Variants in INTS4 observed in about 807,000 individuals in gnomAD.
INTS4 encodes integrator complex subunit 4, also known as MSTP093.
A neutral mutation model predicts 119.5 loss-of-function variants in INTS4; 70 were observed. The observed-to-expected ratio is 0.59, with a 90% confidence interval of 0.48 to 0.71. The LOEUF (loss-of-function observed/expected upper bound fraction) is 0.71, where lower values mean the gene tolerates loss of function less well. Among genes scored for constraint, INTS4 ranks in the 30% least tolerant of loss-of-function variants. The pLI is 0.00. For missense variants in INTS4, 867 were observed against 1,173.2 expected, an observed-to-expected ratio of 0.74 and a Z score of 3.81; for synonymous variants, 316 against 419.6, an observed-to-expected ratio of 0.75 and a Z score of 3.02.
At chr11:77,950,257 C>T (rs1954157264) in intron 8 of INTS4, among the ~76,000 whole-genome samples, 1 of 152,062 alleles carries the variant, frequency 6.6e-6, no homozygotes, top group South Asian at 2.1e-4. Context: ...AGGAGAAATA[C>T]CTAATGTAGA....
chr11:77,913,149 T>C (rs1953126236), intron 15 of INTS4, among the ~76,000 whole-genome samples: 1 of 152,260 alleles, frequency 6.6e-6, no homozygotes, highest in Admixed American at 6.5e-5. Flanking sequence ...CTATTCATAC[T>C]GAGAAATAGC....
At chr11:77,895,762 G>C (rs1369707373) in intron 18 of INTS4, among the ~76,000 whole-genome samples, 1 of 151,970 alleles carries the variant, frequency 6.6e-6, no homozygotes, top group Non-Finnish European at 1.5e-5. Context: ...ATCTTGGAGA[G>C]ACTCCAGGAA....
intron 15 of INTS4, among the ~76,000 whole-genome samples, chr11:77,908,680 T>A (rs772402211): frequency 6.6e-6 from 1 of 152,134 alleles, no homozygotes. Context: ...AGGTGTATGA[T>A]CTCAACTATG....
intron 2 of INTS4, among the ~76,000 whole-genome samples, chr11:77,984,854 G>A (rs1856389399): frequency 6.8e-6 from 1 of 146,850 alleles, no homozygotes; most frequent in Non-Finnish European, 1.5e-5. Context: ...CCAGCCTGGA[G>A]TGAGACCTTG....
chr11:77,887,460 A>C (rs935256060), intron 21 of INTS4, among the ~76,000 whole-genome samples: 1 of 152,238 alleles, frequency 6.6e-6, no homozygotes, highest in South Asian at 2.1e-4. Flanking sequence ...CCCACAGCCA[A>C]TATCATACTG....
At chr11:77,904,779 C>T (rs1320414764) in intron 16 of INTS4, among the ~76,000 whole-genome samples, 1 of 152,206 alleles carries the variant, frequency 6.6e-6, no homozygotes, top group Non-Finnish European at 1.5e-5. Flanking sequence ...GAAATCCTCA[C>T]ATCCAAATTC....
intron 7 of INTS4, among the ~76,000 whole-genome samples, chr11:77,956,550 T>C (rs1336507125): frequency 1.3e-5 from 2 of 151,808 alleles, no homozygotes; most frequent in East Asian, 1.9e-4. Context: ...CTACTAAAAA[T>C]ATAAAAATTA....
At chr11:77,905,015 A>G (rs2136449965) in intron 16 of INTS4, among the ~76,000 whole-genome samples, 1 of 152,288 alleles carries the variant, frequency 6.6e-6, no homozygotes, top group East Asian at 1.9e-4. Context: ...GTAAAAGATT[A>G]TTTTGTTTTA....
intron 19 of INTS4, 75 bp from the exon 20 acceptor site, chr11:77,891,915 A>G (rs1193397700): frequency 1.3e-6 from 2 of 1,594,444 alleles, no homozygotes; most frequent in African/African-American, 2.7e-5. Flanking sequence ...CCAGACACCT[A>G]TCAAACCCTG....
chr11:77,893,009 G>A (rs1952343895), intron 19 of INTS4, among the ~76,000 whole-genome samples: 1 of 152,192 alleles, frequency 6.6e-6, no homozygotes, highest in Non-Finnish European at 1.5e-5. Flanking sequence ...CAAGTACAGA[G>A]TCATAAAAAC....
rs1009787251 is a variant in INTS4, at chr11:77,901,313, T to C, written c.2228+108A>G. On this transcript the variant is annotated intron_variant, in intron 18 of 22. Coordinates refer to ENST00000534064, the MANE Select transcript of INTS4 (RefSeq NM_033547.4). ...AGATCACACATTCCTTAGCTAGTCT[T>C]TCCTAAATTTCATTTCACTTATCAT... The C allele has an allele frequency of 2.9e-5, 34 of 1,178,406 alleles. No homozygotes were observed. In the Admixed American group the frequency reaches 4.6e-4, roughly 16 times the overall value. The allele number at this position is 1,178,406 out of a possible 1,614,324, so 73.0% of individuals were successfully genotyped here.
intron 8 of INTS4, among the ~76,000 whole-genome samples, chr11:77,945,330 C>T (rs1357612014): frequency 6.6e-6 from 1 of 152,184 alleles, no homozygotes; most frequent in African/African-American, 2.4e-5. Flanking sequence ...TGTACTGCCT[C>T]AGAGTGGGAG....
chr11:77,972,417 AC>A (rs1408063183), intron 4 of INTS4, among the ~76,000 whole-genome samples: 1 of 90,314 alleles, frequency 1.1e-5, no homozygotes, highest in African/African-American at 5.0e-5. Context: ...GACTCTCAAT[AC>A]TTTTTTTTTT....
At chr11:77,913,525 A>G (rs906734027) in intron 15 of INTS4, among the ~76,000 whole-genome samples, 3 of 151,998 alleles carry the variant, frequency 2.0e-5, no homozygotes, top group Non-Finnish European at 1.5e-5. Context: ...GTTAGCCAGG[A>G]TGGTCTCGAT....
chr11:77,886,751 C>T (rs190475769), intron 21 of INTS4, among the ~76,000 whole-genome samples: 2 of 144,334 alleles, frequency 1.4e-5, no homozygotes, highest in African/African-American at 5.1e-5. Flanking sequence ...GGGAGGCGCC[C>T]GGCGAGGGGG....
intron 4 of INTS4, among the ~76,000 whole-genome samples, chr11:77,973,445 G>A (rs1195144183): frequency 1.3e-5 from 2 of 152,022 alleles, no homozygotes; most frequent in Admixed American, 1.3e-4. Flanking sequence ...CTAGTACAAT[G>A]TTAAACAGAA....
rs1413471303 is a variant in INTS4 at position 77,918,936 on chromosome 11, T to C, written c.1807A>G (p.Ile603Val). 1.5e-5 allele frequency: 25 copies of C among 1,613,872 alleles called. No individual in the cohort carries two copies. Among genetic ancestry groups the C allele is most frequent in the Non-Finnish European group, 2.0e-5 (24 of 1,179,882 alleles). Residue 603 changes from isoleucine to valine, a missense_variant, in exon 15 of 23, where the codon ATC (isoleucine) becomes GTC (valine). Physicochemically the swap from Ile to Val is conservative, Grantham distance 29. Around this residue, in one of 5 missense-constraint regions of INTS4, gnomAD observed 262 missense variants for 376.0 expected, o/e 0.70. Transcript: ENST00000534064. ...KLVSSAVSPS[I>V]IPQEDPSQQF... ...TGGGAAGGATCCTCTTGAGGTATGA[T>C]GCTGGGAGAAACAGCTGATGACACC... is the stretch of plus-strand genomic sequence containing the variant.
chr11:77,968,608 C>T (rs1022263399), intron 4 of INTS4, among the ~76,000 whole-genome samples: 2 of 152,098 alleles, frequency 1.3e-5, no homozygotes, highest in Non-Finnish European at 2.9e-5. Flanking sequence ...ATACTTAATG[C>T]CACTAAACAA....
At chr11:77,930,390 C>A (rs576787564) in intron 10 of INTS4, among the ~76,000 whole-genome samples, 2 of 152,136 alleles carry the variant, frequency 1.3e-5, no homozygotes, top group Admixed American at 6.5e-5. Context: ...CTTCACTTCA[C>A]AATAATATAA....
Sources: gnomAD v4.1 joint callset for allele counts (sites outside exome capture counted in the v4.1 genomes callset) on GRCh38, gnomAD v4.1.1 for gene constraint, gnomAD v4.1.1 regional missense constraint, MANE v1.5 for transcripts, NCBI Gene and HGNC (gene_info 2026-07-23, HGNC 2026-07-21) for gene names.